Variants in CLEC4C observed in about 807,000 individuals in gnomAD.
CLEC4C encodes C-type (calcium dependent, carbohydrate-recognition domain) lectin, superfamily member 11.
A neutral mutation model predicts 27.7 loss-of-function variants in CLEC4C; 17 were observed. That is an observed-to-expected ratio of 0.61 (90% CI 0.42 to 0.92). CLEC4C has a LOEUF of 0.92. Ranked by LOEUF, CLEC4C falls within the 40% of genes least tolerant of loss-of-function variation. The pLI is 0.00. For missense variants in CLEC4C, 244 were observed against 257.3 expected (o/e 0.95, Z 0.35); for synonymous variants, 80 against 80.8 (o/e 0.99, Z 0.06).
At position 7,746,727 on chromosome 12, in the gene CLEC4C, C is replaced by T. The variant is rs184296435; in HGVS notation, c.32-304G>A. ...CAAACTTCCAGGCTTAAGTGGTCCT[C>T]CTGCCTCAACCTCTGAGTAGCTGGG... On this transcript the variant is annotated intron_variant, in intron 1 of 5. Coordinates refer to ENST00000360345, the MANE Select transcript of CLEC4C (RefSeq NM_001371390.1). Among the ~76,000 whole-genome samples, 371 of 152,332 alleles carry T rather than the reference C, an allele frequency of 2.4e-3. 1 individual carries two copies. The highest frequency in any genetic ancestry group is 4.1e-3 in the Non-Finnish European group (278 of 68,038).
At chr12:7,748,100 T>C (rs1176844243), upstream of CLEC4C, among the ~76,000 whole-genome samples, 1 of 152,082 alleles carries the variant, frequency 6.6e-6, no homozygotes, top group African/African-American at 2.4e-5. Flanking sequence ...CATTATAGCC[T>C]ATGCTACTCA....
chr12:7,736,842 G>A (rs916299578), intron 4 of CLEC4C, among the ~76,000 whole-genome samples: 4 of 152,186 alleles, frequency 2.6e-5, no homozygotes, highest in South Asian at 4.1e-4. Flanking sequence ...GGCTGAGCTT[G>A]CAGTGAGCTG....
Position 7,741,503 on chromosome 12 carries a change from A to G in CLEC4C, c.153T>C (p.Thr51=), listed in dbSNP as rs200051855. 7 of 1,609,824 alleles carry G rather than the reference A, an allele frequency of 4.3e-6. No individual in the cohort carries two copies. Among genetic ancestry groups the G allele is most frequent in the South Asian group, 1.1e-5 (1 of 90,996 alleles). ...VVPHNFMYSK[T]VKRLSKLREY... ...CTCGTAACTTGGACAGCCTCTTGAC[A>G]GTTTTGCTATACATAAAATTGTGAG... The change falls in exon 3 of 6, where the codon ACT becomes ACC. Residue 51 remains threonine, a synonymous_variant. Transcript: ENST00000360345.
intron 4 of CLEC4C, among the ~76,000 whole-genome samples, chr12:7,734,708 C>G (rs963799727): frequency 1.3e-5 from 2 of 151,822 alleles, no homozygotes; most frequent in African/African-American, 4.8e-5. Flanking sequence ...GCCACCATGC[C>G]GAGCTAATTT....
chr12:7,746,934 C>T (rs1048568739), intron 1 of CLEC4C, among the ~76,000 whole-genome samples: 3 of 152,150 alleles, frequency 2.0e-5, no homozygotes, highest in Non-Finnish European at 2.9e-5. Flanking sequence ...AAGTGATTCT[C>T]CTGCCTCAGC....
At position 7,741,982 on chromosome 12, in the gene CLEC4C, T is replaced by C. The variant is rs181102230; in HGVS notation, c.125-451A>G. Among the ~76,000 whole-genome samples the C allele has an allele frequency of 5.2e-3, 788 of 151,950 alleles. 4 individuals are homozygous for C. Among genetic ancestry groups the C allele is most frequent in the Non-Finnish European group, 8.3e-3 (562 of 67,950 alleles). On this transcript the variant is annotated intron_variant, in intron 2 of 5. Transcript: ENST00000360345. ...GTTGCAGTGAGCCGAGACCGCGCCATTGCACTCCAGCCTGGACGACAGAGC... is the reference window on the plus strand; with the variant it reads ...GTTGCAGTGAGCCGAGACCGCGCCACTGCACTCCAGCCTGGACGACAGAGC...
chr12:7,729,426 GAATAAA>G lies in CLEC4C; in HGVS notation c.*164_*169del. 1.7e-6 allele frequency: 1 copy of G among 583,216 alleles called. No homozygotes were observed. Among genetic ancestry groups the G allele is most frequent in the Non-Finnish European group, 3.0e-6 (1 of 336,660 alleles). The allele number at this position is 583,216 out of a possible 1,614,324, so 36.1% of individuals were successfully genotyped here. On this transcript the variant is annotated 3_prime_UTR_variant, in exon 6 of 6. Coordinates refer to ENST00000360345, the MANE Select transcript of CLEC4C (RefSeq NM_001371390.1). The stretch of plus-strand genomic sequence containing the variant: ...TTTATGAATGAATAAATGAATAAAT[GAATAAA>G]TGAATGTGTGAATGGATTATATCAT...
chr12:7,740,847 A>AT (rs200089588), intron 3 of CLEC4C, among the ~76,000 whole-genome samples: 1,631 of 144,894 alleles, frequency 0.011, 19 homozygotes, highest in Non-Finnish European at 0.018. Flanking sequence ...TGAGGTGTCT[A>AT]TTTTTTTTTT....
In CLEC4C at chr12:7,747,336, C is replaced by G. The variant is rs766400770; in HGVS notation, c.13G>C (p.Glu5Gln). 9.9e-6 allele frequency: 16 copies of G among 1,614,034 alleles called. No homozygotes were observed. In the African/African-American group the frequency reaches 1.5e-4, roughly 15 times the overall value. The change falls in exon 1 of 6, where the codon GAA (glutamate) becomes CAA (glutamine). Residue 5 changes from glutamate (E) to glutamine (Q), a missense_variant. Coordinates refer to ENST00000360345, the MANE Select transcript of CLEC4C (RefSeq NM_001371390.1). Reference protein sequence around the residue: MVPEEEPQDREKGLW... With the variant: MVPEQEPQDREKGLW... ...TGCTTACCTCGGTCTTGAGGCTCTTCTTCAGGCACCATTGTGTGTGCGCAC... is the reference window on the plus strand; with the variant it reads ...TGCTTACCTCGGTCTTGAGGCTCTTGTTCAGGCACCATTGTGTGTGCGCAC...
At chr12:7,736,679 C>T (rs939065257) in intron 4 of CLEC4C, among the ~76,000 whole-genome samples, 4 of 151,934 alleles carry the variant, frequency 2.6e-5, no homozygotes, top group Admixed American at 1.3e-4. Flanking sequence ...GAGGCCGAGA[C>T]GGGCAGATCA....
chr12:7,730,949 G>T, intron 4 of CLEC4C, 37 bp from the exon 5 acceptor site: 1 of 1,065,676 alleles, frequency 9.4e-7, no homozygotes, highest in Non-Finnish European at 1.5e-6. Flanking sequence ...AGCTGATAGA[G>T]CAGGAGCACC....
intron 2 of CLEC4C, among the ~76,000 whole-genome samples, chr12:7,744,985 T>C (rs1039211021): frequency 1.3e-5 from 2 of 152,066 alleles, no homozygotes; most frequent in Non-Finnish European, 2.9e-5. Flanking sequence ...AATTATAGCA[T>C]CATAGAAAGA....
At chr12:7,741,581 G>T in intron 2 of CLEC4C, 50 bp from the exon 3 acceptor site, 1 of 1,011,662 alleles carries the variant, frequency 9.9e-7, no homozygotes, top group Non-Finnish European at 1.6e-6. Context: ...GTGGATCTAT[G>T]TTGTACTATA....
At position 7,741,524 on chromosome 12, in the gene CLEC4C, G is replaced by C. The variant is rs750834907; in HGVS notation, c.132C>G (p.His44Gln). The C allele has an allele frequency of 5.1e-6, 8 of 1,563,574 alleles. No individual in the cohort carries two copies. The African/African-American group carries it at 1.1e-4, about 21-fold the overall frequency. ...TGACAGTTTTGCTATACATAAAATT[G>C]TGAGGCACTGGGAAAGAGAAATCGG... ...VCFTVSSVVP[H>Q]NFMYSKTVKR... Residue 44 changes from histidine (H) to glutamine (Q), a missense_variant, in exon 3 of 6, where the codon CAC becomes CAG. Coordinates refer to ENST00000360345, the MANE Select transcript of CLEC4C (RefSeq NM_001371390.1).
chr12:7,730,860 G>C lies in CLEC4C; in HGVS notation c.434C>G (p.Ser145Ter), dbSNP rs766465276. Residue 145 changes from serine to a stop codon, truncating the protein, a stop_gained, in exon 5 of 6, where the codon TCA (serine) becomes TGA (stop). Coordinates refer to ENST00000360345, the MANE Select transcript of CLEC4C (RefSeq NM_001371390.1). LOFTEE classifies it high-confidence loss of function. ...KRNSSYFLGL[S>*]DPGGRRHWQW... is the part of the protein sequence containing the mutation. Reference sequence around the variant, plus strand: ...CCAATGTCGCCGACCCCCTGGATCTGACAGCCCCAGAAAATAAGAAGAATT... The same window carrying C: ...CCAATGTCGCCGACCCCCTGGATCTCACAGCCCCAGAAAATAAGAAGAATT... 7.5e-6 allele frequency: 12 copies of C among 1,610,322 alleles called. No individual in the cohort carries two copies. Among genetic ancestry groups the C allele is most frequent in the Non-Finnish European group, 9.3e-6 (11 of 1,176,840 alleles).
chr12:7,741,138 T>A (rs1329756704), intron 3 of CLEC4C, among the ~76,000 whole-genome samples: 1 of 152,022 alleles, frequency 6.6e-6, no homozygotes, highest in African/African-American at 2.4e-5. Flanking sequence ...TTTTTTTGCA[T>A]TTTTAGTAGA....
chr12:7,743,381 T>A (rs914666047), intron 2 of CLEC4C, among the ~76,000 whole-genome samples: 4 of 88,586 alleles, frequency 4.5e-5, no homozygotes, highest in African/African-American at 1.3e-4. Flanking sequence ...ACTTAATTCT[T>A]TTTTTTTTTT....
At position 7,729,426 on chromosome 12, in the gene CLEC4C, GAA is replaced by G. The variant is rs1441876792; in HGVS notation, c.*168_*169del. On this transcript the variant is annotated 3_prime_UTR_variant, in exon 6 of 6. Transcript: ENST00000360345. Reference sequence around the variant, plus strand: ...TTTATGAATGAATAAATGAATAAATGAATAAATGAATGTGTGAATGGATTATA... The same window carrying G: ...TTTATGAATGAATAAATGAATAAATGTAAATGAATGTGTGAATGGATTATA... 5.1e-6 allele frequency: 3 copies of G among 583,100 alleles called. No individual in the cohort carries two copies. The African/African-American group carries it at 5.7e-5, about 11-fold the overall frequency. The allele number at this position is 583,100 out of a possible 1,614,324, so 36.1% of individuals were successfully genotyped here. A position where few individuals can be genotyped will look rare whatever the true frequency, so the allele number is the denominator to read the frequency against.
intron 5 of CLEC4C, 98 bp downstream of exon 5, chr12:7,730,699 G>A: frequency 1.7e-6 from 1 of 604,232 alleles, no homozygotes; most frequent in Non-Finnish European, 3.0e-6. Context: ...TTTAAAAAGT[G>A]TTGTGGGTTT....
Sources: gnomAD v4.1 joint callset for allele counts (sites outside exome capture counted in the v4.1 genomes callset) on GRCh38, gnomAD v4.1.1 for gene constraint, MANE v1.5 for transcripts, NCBI Gene and HGNC (gene_info 2026-07-23, HGNC 2026-07-21) for gene names.